TULP4: variants seen among roughly 807,000 people sequenced by gnomAD.
The protein encoded by TULP4 is TUB like protein 4.
A neutral mutation model predicts 129.0 loss-of-function variants in TULP4; 16 were observed. The observed-to-expected ratio is 0.12, with a 90% CI of 0.08 to 0.19. The LOEUF (loss-of-function observed/expected upper bound fraction) is 0.19. TULP4 is among the 10% of genes least tolerant of loss of function. The pLI, the probability that TULP4 is intolerant of heterozygous loss-of-function variation, is 1.00. For synonymous variants in TULP4, 998 were observed against 854.0 expected, an observed-to-expected ratio of 1.17 and a Z score of -2.94; for missense variants, 1,842 against 2,059.1, an observed-to-expected ratio of 0.89 and a Z score of 2.04.
At chr6:158,368,066 C>CAA (rs3085241) in intron 1 of TULP4, among the ~76,000 whole-genome samples, 2,023 of 64,974 alleles carry the variant, frequency 0.031, 117 homozygotes, top group African/African-American at 0.1. Context: ...ACCCTGTCTC[C>CAA]AAAAAAAAAA....
intron 3 of TULP4, among the ~76,000 whole-genome samples, chr6:158,443,698 C>T (rs1448095957): frequency 6.6e-6 from 1 of 151,862 alleles, no homozygotes; most frequent in Admixed American, 6.6e-5. Context: ...TTCCAAATTA[C>T]ATGTTTAGCC....
rs1777920156 is a variant in TULP4 at position 158,241,753 on chromosome 6, C to T, written n.68+9450C>T. 7.0e-6 allele frequency: 3 copies of T among 427,430 alleles called. No homozygotes were observed. In the Admixed American group the frequency reaches 1.1e-4, roughly 15 times the overall value. 26.5% of individuals were successfully genotyped at this position (427,430 alleles called of 1,614,324 possible). ...GGGACTACAGGCACGCACCATCACGCCCAGCTAATTTTTGTATTTTTAGTA... is the reference window on the plus strand; with the variant it reads ...GGGACTACAGGCACGCACCATCACGTCCAGCTAATTTTTGTATTTTTAGTA... On this transcript the variant is annotated intron_variant and non_coding_transcript_variant, in intron 1 of 1. Transcript: ENST00000620026.
intron 3 of TULP4, among the ~76,000 whole-genome samples, chr6:158,444,267 A>T (rs341125): frequency 0.68 from 49,657 of 72,668 alleles, 16,150 homozygotes; most frequent in South Asian, 0.8. Context: ...TTTTTTTTTT[A>T]ACTTTTGCCG....
chr6:158,292,903 C>T (rs1778969607), intron 1 of TULP4, among the ~76,000 whole-genome samples: 1 of 152,148 alleles, frequency 6.6e-6, no homozygotes, highest in Non-Finnish European at 1.5e-5. Flanking sequence ...ACATGTGACA[C>T]AGGCTATTAT....
At chr6:158,411,141 A>G (rs1258228079) in intron 1 of TULP4, among the ~76,000 whole-genome samples, 3 of 152,094 alleles carry the variant, frequency 2.0e-5, no homozygotes, top group Admixed American at 6.6e-5. Flanking sequence ...AAAAAAAAAA[A>G]AAAAGTAAAC....
Position 158,493,445 on chromosome 6 carries a change from C to A in TULP4, c.1632-128C>A. The stretch of plus-strand genomic sequence containing the variant: ...AGGGGAGAGCTTTGTTAAATTCGGG[C>A]ACTGGCTGCAGGGTGAGAACCCAAC... On this transcript the variant is annotated intron_variant, in intron 9 of 13. Transcript: ENST00000367097. The surrounding 1 kb of genome is among the most constrained non-coding windows in gnomAD (Gnocchi z 4.4). 1.1e-6 allele frequency: 1 copy of A among 949,852 alleles called. No homozygotes were observed. The highest frequency in any genetic ancestry group is 1.4e-6 in the Non-Finnish European group (1 of 693,260). 58.8% of individuals were successfully genotyped at this position (949,852 alleles called of 1,614,324 possible).
At chr6:158,441,575 A>G (rs1381250303) in intron 3 of TULP4, among the ~76,000 whole-genome samples, 2 of 152,150 alleles carry the variant, frequency 1.3e-5, no homozygotes, top group East Asian at 1.9e-4. Context: ...ACAGCCCCTG[A>G]CCTTGGCATT....
At chr6:158,311,465 G>A (rs1250653086), upstream of TULP4, among the ~76,000 whole-genome samples, 2 of 152,160 alleles carry the variant, frequency 1.3e-5, no homozygotes, top group Admixed American at 6.5e-5. Flanking sequence ...AAGATGGAAT[G>A]GATTTGCTAG....
intron 1 of TULP4, among the ~76,000 whole-genome samples, chr6:158,259,156 G>A (rs533142253): frequency 6.6e-6 from 1 of 152,242 alleles, no homozygotes; most frequent in Non-Finnish European, 1.5e-5. Flanking sequence ...CTTGAACCCG[G>A]GAGGTAGAGG....
intron 1 of TULP4, among the ~76,000 whole-genome samples, chr6:158,318,357 A>G (rs1176718923): frequency 6.6e-6 from 1 of 152,184 alleles, no homozygotes; most frequent in African/African-American, 2.4e-5. Flanking sequence ...TGTCAAGTAG[A>G]GTGACCAACT....
At chr6:158,416,277 G>A (rs1778206459) in intron 2 of TULP4, among the ~76,000 whole-genome samples, 2 of 152,058 alleles carry the variant, frequency 1.3e-5, no homozygotes, top group Admixed American at 1.3e-4. Context: ...GACACACCAG[G>A]AACAATACTC....
At chr6:158,354,780 C>T (rs1780606245) in intron 1 of TULP4, among the ~76,000 whole-genome samples, 2 of 150,098 alleles carry the variant, frequency 1.3e-5, no homozygotes. Flanking sequence ...CCTGGCTGCT[C>T]AGGAAGCTGA....
intron 1 of TULP4, among the ~76,000 whole-genome samples, chr6:158,240,365 C>T (rs1211877406): frequency 1.3e-5 from 1 of 78,924 alleles, no homozygotes; most frequent in African/African-American, 4.3e-5. Context: ...CACCTCCCTC[C>T]CGGACCGGGC....
intron 1 of TULP4, among the ~76,000 whole-genome samples, chr6:158,319,728 C>G (rs893871180): frequency 2.0e-5 from 3 of 152,148 alleles, no homozygotes; most frequent in African/African-American, 7.2e-5. Context: ...TAAATTGAAT[C>G]TGAAATTAAA....
At chr6:158,497,763 A>G (rs1408106778) in intron 11 of TULP4, among the ~76,000 whole-genome samples, 2 of 152,204 alleles carry the variant, frequency 1.3e-5, no homozygotes, top group African/African-American at 2.4e-5. Context: ...AACCCATACC[A>G]GTCCATGGGC....
At chr6:158,494,678 C>T in intron 10 of TULP4, 75 bp from the exon 11 acceptor site, 2 of 1,341,634 alleles carry the variant, frequency 1.5e-6, no homozygotes, top group East Asian at 2.3e-5. Context: ...TAAATATTAA[C>T]ATTCTTACTG....
intron 1 of TULP4, among the ~76,000 whole-genome samples, chr6:158,292,068 G>A (rs1007386974): frequency 2.0e-5 from 3 of 152,158 alleles, no homozygotes; most frequent in Non-Finnish European, 4.4e-5. Flanking sequence ...TTATCTGGGG[G>A]AATCCTTATT....
At chr6:158,312,256 G>T, upstream of TULP4, 1 of 396,726 alleles carries the variant, frequency 2.5e-6, no homozygotes, top group South Asian at 1.4e-4. Context: ...ATTAATTTAA[G>T]AATCAGATGG....
intron 1 of TULP4, among the ~76,000 whole-genome samples, chr6:158,334,470 A>C (rs1002261372): frequency 2.0e-5 from 3 of 152,238 alleles, no homozygotes; most frequent in Non-Finnish European, 4.4e-5. Flanking sequence ...ATAAAACAAA[A>C]TACATGTTAA....
Sources: allele counts gnomAD v4.1 joint callset (sites outside exome capture counted in the v4.1 genomes callset), GRCh38; gene constraint gnomAD v4.1.1; non-coding constraint Gnocchi (gnomAD v3.1); transcripts MANE v1.5; gene names NCBI Gene and HGNC (gene_info 2026-07-23, HGNC 2026-07-21).